Variants in HSPG2 observed in about 807,000 individuals in gnomAD.
HSPG2 encodes heparan sulfate proteoglycan 2, also known as basement membrane-specific heparan sulfate proteoglycan core protein.
Under a neutral mutation model 526.6 loss-of-function variants are expected in HSPG2, and 278 were observed. The observed-to-expected ratio is 0.53, with a 90% CI of 0.48 to 0.58. HSPG2 has a LOEUF of 0.58. Ranked by LOEUF, HSPG2 falls within the 20% of genes least tolerant of loss-of-function variation. HSPG2 has a pLI of 0.00. For missense variants in HSPG2, 5,354 were observed against 6,099.5 expected, an observed-to-expected ratio of 0.88 and a Z score of 4.07; for synonymous variants, 2,465 against 2,555.4, an observed-to-expected ratio of 0.96 and a Z score of 1.07.
At chr1:21,882,873 C>G (rs116064083) in intron 13 of HSPG2, among the ~76,000 whole-genome samples, 1 of 152,168 alleles carries the variant, frequency 6.6e-6, no homozygotes, top group Admixed American at 6.5e-5. Flanking sequence ...CCTGAATTAA[C>G]CCCCTGCAAC....
rs527567519 is a variant in HSPG2, at chr1:21,896,510, G to A, written c.64-200C>T. ...TCCCCAAGTCCCATTAGCCCCTGGAGGCTTCAGAGCCCAACCCTGCTATTT... is the reference window on the plus strand; with the variant it reads ...TCCCCAAGTCCCATTAGCCCCTGGAAGCTTCAGAGCCCAACCCTGCTATTT... On this transcript the variant is annotated intron_variant, in intron 1 of 96. Coordinates refer to ENST00000374695, the MANE Select transcript of HSPG2 (RefSeq NM_005529.7). 2.0e-5 allele frequency among the ~76,000 whole-genome samples: 3 copies of A among 152,302 alleles called. No individual in the cohort carries two copies. The East Asian group carries it at 5.8e-4, about 29-fold the overall frequency.
At chr1:21,879,160 A>G (rs565126026) in intron 17 of HSPG2, 39 bp from the exon 18 acceptor site, 3 of 1,613,658 alleles carry the variant, frequency 1.9e-6, no homozygotes, top group South Asian at 2.2e-5. Flanking sequence ...CTTCTAGAGC[A>G]GAACTGGGCC....
In HSPG2 at chr1:21,839,040, G is replaced by C; in HGVS notation, c.9935C>G (p.Ala3312Gly). ...TTVPEHASVQ[A>G]GETVQLQCLA... is the part of the protein sequence containing the mutation. Reference sequence around the variant, plus strand: ...GCACTGGAGCTGCACCGTCTCCCCTGCCTGCACCGAAGCGTGCTCTGGGAC... The same window carrying C: ...GCACTGGAGCTGCACCGTCTCCCCTCCCTGCACCGAAGCGTGCTCTGGGAC... The change falls in exon 74 of 97, where the codon GCA becomes GGA. Residue 3312 changes from alanine to glycine, a missense_variant. Physicochemically the swap from Ala to Gly is moderately conservative, Grantham distance 60. Coordinates refer to ENST00000374695, the MANE Select transcript of HSPG2 (RefSeq NM_005529.7). This position sits in a 1 kb window ranked among gnomAD's most constrained non-coding sequence, Gnocchi z 4.5. The C allele has an allele frequency of 6.3e-7, 1 of 1,599,698 alleles. No individual in the cohort carries two copies. Among genetic ancestry groups the C allele is most frequent in the Non-Finnish European group, 8.6e-7 (1 of 1,168,786 alleles).
chr1:21,836,615 GC>G (rs1354387835), intron 75 of HSPG2, among the ~76,000 whole-genome samples, 186 bp downstream of exon 75: 2 of 152,244 alleles, frequency 1.3e-5, no homozygotes, highest in East Asian at 3.8e-4. Flanking sequence ...GAGCCACCGT[GC>G]CTGGACCTCA....
At position 21,875,658 on chromosome 1, in the gene HSPG2, T is replaced by C. The variant is rs1373831023; in HGVS notation, c.3273A>G (p.Ala1091=). The C allele has an allele frequency of 1.2e-6, 2 of 1,602,786 alleles. No individual in the cohort carries two copies. Among genetic ancestry groups the C allele is most frequent in the Non-Finnish European group, 1.7e-6 (2 of 1,179,944 alleles). Residue 1091 remains alanine, a synonymous_variant, in exon 25 of 97, where the codon GCA becomes GCG. Transcript: ENST00000374695. ...TCTCAGCGGGCTGCTGGGCGTAGGA[T>C]GCTCGGATCAGGAGGGTGTCGATGC... ...LAGIDTLLIR[A]SYAQQPAESR... is the part of the protein sequence containing the mutation.
intron 1 of HSPG2, among the ~76,000 whole-genome samples, chr1:21,927,447 G>A (rs1380074414): frequency 6.6e-6 from 1 of 152,074 alleles, no homozygotes; most frequent in Non-Finnish European, 1.5e-5. Context: ...CTGCAGGTTG[G>A]CCCAGAGCTC....
chr1:21,823,806 G>A, intron 95 of HSPG2, 87 bp from the exon 96 acceptor site: 1 of 996,294 alleles, frequency 1.0e-6, no homozygotes, highest in Non-Finnish European at 1.6e-6. Context: ...CTGATATCGA[G>A]ACTCCAGACT....
rs753334540 is a variant in HSPG2, at chr1:21,838,847, G to C, written c.10128C>G (p.Ala3376=). The C allele has an allele frequency of 1.2e-6, 2 of 1,612,320 alleles. No homozygotes were observed. Among genetic ancestry groups the C allele is most frequent in the African/African-American group, 2.7e-5 (2 of 74,948 alleles). ...TACCTTGGACGAGCAGCTGGGCAAA[G>C]GCCTCGGCTGAGCCCACCTTGTTGG... ...RVTNKVGSAE[A]FAQLLVQGPP... is the part of the protein sequence containing the mutation. Residue 3376 remains alanine, a synonymous_variant, in exon 74 of 97, where the codon GCC becomes GCG. Coordinates refer to ENST00000374695, the MANE Select transcript of HSPG2 (RefSeq NM_005529.7).
chr1:21,882,699 C>T (rs71636996), intron 13 of HSPG2, among the ~76,000 whole-genome samples: 1,729 of 152,218 alleles, frequency 0.011, 21 homozygotes, highest in South Asian at 0.023. Flanking sequence ...ATTTAAAGAG[C>T]CACACAGGGC....
chr1:21,843,473 C>A (rs1308062914), intron 65 of HSPG2, 35 bp from the exon 66 acceptor site: 5 of 1,592,992 alleles, frequency 3.1e-6, no homozygotes, highest in Non-Finnish European at 4.3e-6. Context: ...GGAGGGTGAG[C>A]TGGGAGCCTT....
chr1:21,848,592 T>C lies in HSPG2; in HGVS notation c.7737+51A>G, dbSNP rs781328428. 2.4e-5 allele frequency: 38 copies of C among 1,596,558 alleles called. No individual in the cohort carries two copies. Among genetic ancestry groups the C allele is most frequent in the East Asian group, 4.5e-5 (2 of 44,810 alleles). ...GTGCTGAGAGTCCCCCCTCTTCCCA[T>C]TGGGGGCTGGTGTGCCCTGCTTTTG... On this transcript the variant is annotated intron_variant, in intron 59 of 96. Transcript: ENST00000374695. The surrounding 1 kb of genome is among the most constrained non-coding windows in gnomAD (Gnocchi z 4.9).
At position 21,855,425 on chromosome 1, in the gene HSPG2, T is replaced by C; in HGVS notation, c.5876A>G (p.Gln1959Arg). ...HVHGGGGPRV[Q>R]VSPERTQVHA... ...GACCTGGGTCCTCTCTGGGCTCACT[T>C]GGACTCTGGGCCCACCGCCCCCTGC... The change falls in exon 47 of 97, where the codon CAA becomes CGA. Residue 1959 changes from glutamine to arginine, a missense_variant. Coordinates refer to ENST00000374695, the MANE Select transcript of HSPG2 (RefSeq NM_005529.7). 2 of 1,613,200 alleles carry C rather than the reference T, an allele frequency of 1.2e-6. No individual in the cohort carries two copies. The highest frequency in any genetic ancestry group is 1.3e-5 in the African/African-American group (1 of 75,030).
At chr1:21,917,211 T>G (rs1643907331) in intron 1 of HSPG2, among the ~76,000 whole-genome samples, 2 of 151,860 alleles carry the variant, frequency 1.3e-5, no homozygotes, top group South Asian at 4.2e-4. Flanking sequence ...ACAGGTGGAT[T>G]GCTTGAGCCC....
At chr1:21,906,472 GGAA>G (rs1295296081) in intron 1 of HSPG2, among the ~76,000 whole-genome samples, 6 of 152,212 alleles carry the variant, frequency 3.9e-5, no homozygotes, top group African/African-American at 4.8e-5. Context: ...TCTGCTGTAA[GGAA>G]GAAGAGGAAG....
chr1:21,847,951 C>T lies in HSPG2; in HGVS notation c.7873+7G>A, dbSNP rs1218928023. 2 of 1,613,884 alleles carry T rather than the reference C, an allele frequency of 1.2e-6. No homozygotes were observed. Among genetic ancestry groups the T allele is most frequent in the Non-Finnish European group, 8.5e-7 (1 of 1,180,030 alleles). On this transcript the variant is annotated splice_region_variant and intron_variant, in intron 60 of 96. Coordinates refer to ENST00000374695, the MANE Select transcript of HSPG2 (RefSeq NM_005529.7). The surrounding 1 kb of genome is among the most constrained non-coding windows in gnomAD (Gnocchi z 4.1). ...TTGTCTGTACCCCCTGCCCTCTCTG[C>T]TCTCACCGTGGGAGGAACCGCTGCC... is the stretch of plus-strand genomic sequence containing the variant.
rs543382369 is a variant in HSPG2, at chr1:21,904,063, C to A, written c.64-7753G>T. 3.2e-4 allele frequency among the ~76,000 whole-genome samples: 49 copies of A among 152,300 alleles called. No homozygotes were observed. The highest frequency in any genetic ancestry group is 1.1e-3 in the African/African-American group (46 of 41,554). ...TACGGGGTACCTACTATGTGCTGGG[C>A]CCGGGGGACAAAATGTGAAATGGAC... On this transcript the variant is annotated intron_variant, in intron 1 of 96. Coordinates refer to ENST00000374695, the MANE Select transcript of HSPG2 (RefSeq NM_005529.7). The surrounding 1 kb of genome is among the most constrained non-coding windows in gnomAD (Gnocchi z 4.4).
intron 9 of HSPG2, among the ~76,000 whole-genome samples, chr1:21,886,555 G>T (rs1641909961): frequency 6.6e-6 from 1 of 152,062 alleles, no homozygotes; most frequent in African/African-American, 2.4e-5. Context: ...GGACATACAG[G>T]ATACCACCTG....
intron 1 of HSPG2, among the ~76,000 whole-genome samples, chr1:21,917,891 C>G (rs2152794929): frequency 6.6e-6 from 1 of 152,296 alleles, no homozygotes; most frequent in South Asian, 2.1e-4. Context: ...ACTTGAGTTA[C>G]TGTCTCTTCT....
intron 13 of HSPG2, 79 bp downstream of exon 13, chr1:21,884,449 G>C: frequency 6.4e-7 from 1 of 1,570,362 alleles, no homozygotes; most frequent in South Asian, 1.1e-5. Flanking sequence ...CCCTCTGTCC[G>C]CATCTATCCT....
Sources: allele counts gnomAD v4.1 joint callset (sites outside exome capture counted in the v4.1 genomes callset), GRCh38; gene constraint gnomAD v4.1.1; non-coding constraint Gnocchi (gnomAD v3.1); transcripts MANE v1.5; gene names NCBI Gene and HGNC (gene_info 2026-07-23, HGNC 2026-07-21).